Variants in RPH3A observed in about 807,000 individuals in gnomAD.
RPH3A encodes the protein rabphilin 3A, also known as rabphilin-3A.
A neutral mutation model predicts 102.2 loss-of-function variants in RPH3A; 48 were observed. The observed-to-expected ratio is 0.47, with a 90% CI of 0.37 to 0.60. The LOEUF is 0.60. RPH3A is among the 20% of genes least tolerant of loss of function. The pLI is 0.00. For synonymous variants in RPH3A, 310 were observed against 324.3 expected (o/e 0.96, Z 0.47); for missense variants, 781 against 910.1 (o/e 0.86, Z 1.83).
chr12:112,875,669 C>G lies in RPH3A; in HGVS notation c.884-10C>G, dbSNP rs753216863. The G allele has an allele frequency of 6.2e-7, 1 of 1,612,668 alleles. No individual in the cohort carries two copies. The highest frequency in any genetic ancestry group is 1.1e-5 in the South Asian group (1 of 90,942). ...TGCTGCATCTCTGTTTGTCTCCTCT[C>G]CCTGCTCAGGGACCCCAGGAGGAAG... On this transcript the variant is annotated splice_polypyrimidine_tract_variant and intron_variant, in intron 11 of 21. Coordinates refer to ENST00000389385, the MANE Select transcript of RPH3A (RefSeq NM_001143854.2).
chr12:112,711,814 C>T (rs1000851336), intron 1 of RPH3A, among the ~76,000 whole-genome samples: 1 of 152,098 alleles, frequency 6.6e-6, no homozygotes, highest in African/African-American at 2.4e-5. Context: ...TCTCTTTCCT[C>T]GTTCCTTGTT....
At chr12:112,835,097 A>C (rs1660430269) in intron 3 of RPH3A, among the ~76,000 whole-genome samples, 1 of 152,130 alleles carries the variant, frequency 6.6e-6, no homozygotes, top group Non-Finnish European at 1.5e-5. Flanking sequence ...TATTTAGTCC[A>C]CCCATATACT....
chr12:112,638,814 A>G (rs865807775), intron 1 of RPH3A, among the ~76,000 whole-genome samples: 1 of 152,212 alleles, frequency 6.6e-6, no homozygotes, highest in Non-Finnish European at 1.5e-5. Flanking sequence ...AATGCCCTAT[A>G]TGAGATGAGG....
intron 1 of RPH3A, among the ~76,000 whole-genome samples, chr12:112,626,985 C>G (rs201792500): frequency 0.044 from 4,446 of 101,210 alleles, 256 homozygotes; most frequent in African/African-American, 0.13. Flanking sequence ...CGCATATTCT[C>G]ACTCATAGGT....
intron 1 of RPH3A, among the ~76,000 whole-genome samples, chr12:112,630,850 G>A (rs892385621): frequency 1.6e-4 from 24 of 152,140 alleles, no homozygotes; most frequent in African/African-American, 5.5e-4. Context: ...TTCACTGTCT[G>A]TGGGATGGGT....
chr12:112,711,512 T>C (rs1405846754), intron 1 of RPH3A, among the ~76,000 whole-genome samples: 6 of 152,224 alleles, frequency 3.9e-5, no homozygotes, highest in African/African-American at 1.4e-4. Context: ...TCTTGCAGTG[T>C]GTTGCATTAC....
At position 112,897,145 on chromosome 12, in the gene RPH3A, T is replaced by TACACACACACACACAC. The variant is rs10563429; in HGVS notation, c.*380_*395dup. The TACACACACACACACAC allele has an allele frequency of 1.4e-4, 25 of 183,692 alleles. No homozygotes were observed. Among genetic ancestry groups the TACACACACACACACAC allele is most frequent in the African/African-American group, 4.3e-4 (18 of 42,112 alleles). 11.4% of individuals were successfully genotyped at this position (183,692 alleles called of 1,614,324 possible). On this transcript the variant is annotated 3_prime_UTR_variant, in exon 22 of 22. Transcript: ENST00000389385. ...CCTCCTAGCCTTGAACACACACATG[T>TACACACACACACACAC]ACACACACACACACACACACACACA...
At chr12:112,883,120 G>T (rs2042944253) in intron 15 of RPH3A, among the ~76,000 whole-genome samples, 173 bp from the exon 16 acceptor site, 1 of 152,166 alleles carries the variant, frequency 6.6e-6, no homozygotes, top group Admixed American at 6.5e-5. Context: ...CTGTGGCCAT[G>T]ATCCTAGAGG....
chr12:112,864,147 T>A (rs115409018), intron 5 of RPH3A, among the ~76,000 whole-genome samples: 49 of 152,316 alleles, frequency 3.2e-4, no homozygotes, highest in African/African-American at 1.2e-3. Context: ...GAGGGAGTGC[T>A]ATTCTAAAGA....
intron 4 of RPH3A, among the ~76,000 whole-genome samples, chr12:112,841,195 G>T (rs1473560099): frequency 1.5e-4 from 4 of 25,912 alleles, no homozygotes; most frequent in Non-Finnish European, 3.3e-4. Flanking sequence ...AAAAAAAAAA[G>T]CCTCGTTGGA....
chr12:112,821,924 GT>G (rs1426861591), intron 2 of RPH3A, among the ~76,000 whole-genome samples: 1 of 151,050 alleles, frequency 6.6e-6, no homozygotes, highest in African/African-American at 2.4e-5. Flanking sequence ...GGCAATCTGT[GT>G]TTTTAATTAA....
chr12:112,594,877 G>T (rs1291230239), intron 1 of RPH3A, among the ~76,000 whole-genome samples: 1 of 152,182 alleles, frequency 6.6e-6, no homozygotes, highest in Non-Finnish European at 1.5e-5. Context: ...TATATTCCAG[G>T]CATTGTGTTC....
intron 1 of RPH3A, among the ~76,000 whole-genome samples, chr12:112,762,365 G>T (rs2040859515): frequency 6.6e-6 from 1 of 152,080 alleles, no homozygotes; most frequent in Non-Finnish European, 1.5e-5. Flanking sequence ...GGATCTTTAG[G>T]TTCACATTGA....
chr12:112,821,973 TAA>T (rs34609103), intron 2 of RPH3A, among the ~76,000 whole-genome samples: 81 of 144,056 alleles, frequency 5.6e-4, no homozygotes, highest in African/African-American at 1.9e-3. Flanking sequence ...ATTTTACCCT[TAA>T]AAAAAAAAAA....
intron 1 of RPH3A, among the ~76,000 whole-genome samples, chr12:112,772,154 G>A (rs1015600223): frequency 2.6e-5 from 4 of 152,032 alleles, no homozygotes; most frequent in Admixed American, 2.6e-4. Flanking sequence ...CTTATGCCCC[G>A]GGTTTTATCC....
intron 5 of RPH3A, among the ~76,000 whole-genome samples, chr12:112,860,804 A>C (rs2042497089): frequency 6.6e-6 from 1 of 152,222 alleles, no homozygotes; most frequent in South Asian, 2.1e-4. Context: ...AGAAGAACAC[A>C]ATCTATTTTC....
intron 1 of RPH3A, among the ~76,000 whole-genome samples, chr12:112,641,148 C>T (rs1592921435): frequency 6.6e-6 from 1 of 152,332 alleles, no homozygotes; most frequent in East Asian, 1.9e-4. Context: ...GCATTTGCAT[C>T]GCAGAAAGCA....
intron 1 of RPH3A, among the ~76,000 whole-genome samples, chr12:112,775,368 A>G (rs911151216): frequency 6.6e-6 from 1 of 152,228 alleles, no homozygotes; most frequent in African/African-American, 2.4e-5. Context: ...TTTGCTGTGC[A>G]TGTACCATGT....
chr12:112,741,150 G>T (rs1445993591), intron 1 of RPH3A, among the ~76,000 whole-genome samples: 1 of 152,140 alleles, frequency 6.6e-6, no homozygotes, highest in East Asian at 1.9e-4. Context: ...TTTACTGAAG[G>T]CTTGAAAATG....
Sources: allele counts gnomAD v4.1 joint callset (sites outside exome capture counted in the v4.1 genomes callset), GRCh38; gene constraint gnomAD v4.1.1; transcripts MANE v1.5; gene names NCBI Gene and HGNC (gene_info 2026-07-23, HGNC 2026-07-21).